Variants in CADPS2 observed in about 807,000 individuals in gnomAD.
CADPS2 encodes calcium dependent secretion activator 2.
A neutral mutation model predicts 172.5 loss-of-function variants in CADPS2; 93 were observed. The ratio of observed to expected loss-of-function variants is 0.54; its 90% CI spans 0.46 to 0.64. CADPS2 has a LOEUF of 0.64. Among genes scored for constraint, CADPS2 ranks in the 30% least tolerant of loss-of-function variants. The pLI, the probability that CADPS2 is intolerant of heterozygous loss-of-function variation, is 0.00. For missense variants in CADPS2, 1,420 were observed against 1,565.9 expected, an observed-to-expected ratio of 0.91 and a Z score of 1.57; for synonymous variants, 546 against 555.2, an observed-to-expected ratio of 0.98 and a Z score of 0.23.
chr7:122,702,088 G>C (rs7790381), intron 2 of CADPS2: 1 of 1,613,568 alleles, frequency 6.2e-7, no homozygotes, highest in South Asian at 1.1e-5. Context: ...GCCTCCTGGT[G>C]AAAGAATTGG....
At chr7:122,834,690 A>C (rs1446511628) in intron 1 of CADPS2, among the ~76,000 whole-genome samples, 1 of 152,230 alleles carries the variant, frequency 6.6e-6, no homozygotes, top group Non-Finnish European at 1.5e-5. Flanking sequence ...GCTCACTGCT[A>C]GCACAGCAGT....
chr7:122,455,373 C>A (rs1399372390), intron 14 of CADPS2, among the ~76,000 whole-genome samples: 1 of 151,928 alleles, frequency 6.6e-6, no homozygotes, highest in African/African-American at 2.4e-5. Flanking sequence ...TTCCCATTCC[C>A]ATAGACCTTT....
At chr7:122,845,375 A>G (rs1319527079) in intron 1 of CADPS2, among the ~76,000 whole-genome samples, 1 of 152,212 alleles carries the variant, frequency 6.6e-6, no homozygotes, top group Non-Finnish European at 1.5e-5. Flanking sequence ...ATGTCAGATA[A>G]AAAACAACCA....
intron 5 of CADPS2, among the ~76,000 whole-genome samples, chr7:122,621,002 G>A (rs2075544282): frequency 6.6e-6 from 1 of 152,000 alleles, no homozygotes; most frequent in Non-Finnish European, 1.5e-5. Context: ...AACCTCCTGG[G>A]CTCAAGCAAT....
chr7:122,340,643 A>G (rs2150932278), intron 28 of CADPS2, among the ~76,000 whole-genome samples: 1 of 152,282 alleles, frequency 6.6e-6, no homozygotes, highest in Non-Finnish European at 1.5e-5. Flanking sequence ...ATCTCTGCTG[A>G]CACATGGACA....
intron 8 of CADPS2, among the ~76,000 whole-genome samples, chr7:122,533,444 C>A (rs568645585): frequency 2.0e-5 from 3 of 152,056 alleles, no homozygotes; most frequent in Non-Finnish European, 4.4e-5. Flanking sequence ...TAAATGTACA[C>A]CCATGGTCTT....
chr7:122,837,421 C>G (rs1429400452), intron 1 of CADPS2, among the ~76,000 whole-genome samples: 1 of 152,142 alleles, frequency 6.6e-6, no homozygotes, highest in East Asian at 1.9e-4. Context: ...CAAGAAATAA[C>G]TAAGATCAGA....
intron 6 of CADPS2, among the ~76,000 whole-genome samples, chr7:122,587,695 G>A (rs2069977429): frequency 6.6e-6 from 1 of 152,062 alleles, no homozygotes; most frequent in Non-Finnish European, 1.5e-5. Context: ...ATGAATATAT[G>A]TGTGCATGTA....
At chr7:122,693,773 T>C (rs897996319) in intron 2 of CADPS2, among the ~76,000 whole-genome samples, 1 of 152,032 alleles carries the variant, frequency 6.6e-6, no homozygotes, top group Non-Finnish European at 1.5e-5. Flanking sequence ...CTGGGCAACA[T>C]GGCAAAACCC....
intron 9 of CADPS2, among the ~76,000 whole-genome samples, chr7:122,500,920 T>A (rs1022838756): frequency 3.3e-5 from 5 of 152,112 alleles, no homozygotes; most frequent in Non-Finnish European, 5.9e-5. Context: ...AAAAGTGGTG[T>A]TTTTGGAATT....
rs1232847499 is a variant in CADPS2 at position 122,319,660 on chromosome 7, A to C, written c.*505T>G. 6.6e-6 allele frequency: 1 copy of C among 152,452 alleles called. No homozygotes were observed. Among genetic ancestry groups the C allele is most frequent in the East Asian group, 1.9e-4 (1 of 5,200 alleles). 9.4% of individuals were successfully genotyped at this position (152,452 alleles called of 1,614,324 possible). On this transcript the variant is annotated 3_prime_UTR_variant, in exon 30 of 30. Coordinates refer to ENST00000449022, the MANE Select transcript of CADPS2 (RefSeq NM_017954.11). The stretch of plus-strand genomic sequence containing the variant: ...GATTAAAGATTTTATACACATCACA[A>C]TAATAGCAAATTAAGTACAAAACGA...
intron 9 of CADPS2, among the ~76,000 whole-genome samples, chr7:122,506,604 C>T (rs1227188457): frequency 6.6e-6 from 1 of 152,024 alleles, no homozygotes; most frequent in Non-Finnish European, 1.5e-5. Flanking sequence ...ATTCCTACTG[C>T]AGGGATGTTA....
intron 17 of CADPS2, among the ~76,000 whole-genome samples, chr7:122,428,469 ATATTT>A (rs947509596): frequency 4.0e-5 from 5 of 124,944 alleles, no homozygotes; most frequent in African/African-American, 1.1e-4. Context: ...ATATATATAT[ATATTT>A]TTTTTTTTTT....
At chr7:122,465,174 T>G (rs770736251) in intron 14 of CADPS2, among the ~76,000 whole-genome samples, 4 of 152,034 alleles carry the variant, frequency 2.6e-5, no homozygotes, top group Non-Finnish European at 1.5e-5. Context: ...GAATTGTAGA[T>G]CGAGCAAAAA....
Position 122,565,173 on chromosome 7 carries a change from C to T in CADPS2, c.1336-10484G>A, listed in dbSNP as rs371634006. ...GGTACACTAAAAGCCCAGACTTCAC[C>T]GCTATGCAGTATAACCATGTAACAC... On this transcript the variant is annotated intron_variant, in intron 7 of 29. Coordinates refer to ENST00000449022, the MANE Select transcript of CADPS2 (RefSeq NM_017954.11). 7.2e-5 allele frequency among the ~76,000 whole-genome samples: 11 copies of T among 151,734 alleles called. No individual in the cohort carries two copies. The South Asian group carries it at 1.3e-3, about 17-fold the overall frequency.
chr7:122,874,291 A>G lies in CADPS2; in HGVS notation c.339+11708T>C, dbSNP rs140646216. ...GTGAACTCCCACTCACAATTGCTAC[A>G]AAGAGAATAAAACATCTAGGAATAC... On this transcript the variant is annotated intron_variant, in intron 1 of 29. Transcript: ENST00000449022. Among the ~76,000 whole-genome samples the G allele has an allele frequency of 3.4e-3, 523 of 152,286 alleles. 1 individual carries two copies. Among genetic ancestry groups the G allele is most frequent in the Non-Finnish European group, 5.0e-3 (338 of 68,014 alleles).
intron 6 of CADPS2, among the ~76,000 whole-genome samples, chr7:122,597,155 G>C (rs2071941199): frequency 6.6e-6 from 1 of 152,036 alleles, no homozygotes; most frequent in Non-Finnish European, 1.5e-5. Context: ...TCCAACACTG[G>C]AGATTACATT....
At chr7:122,671,252 G>C (rs2081815659) in intron 2 of CADPS2, among the ~76,000 whole-genome samples, 1 of 152,188 alleles carries the variant, frequency 6.6e-6, no homozygotes, top group South Asian at 2.1e-4. Flanking sequence ...GTAGCACCTA[G>C]CACTAGGCTA....
rs1373768087 is a variant in CADPS2, at chr7:122,886,364, C to T, written c.-27G>A. ...GTGCTCGGGGATCCCCGCCGCTCGG[C>T]CCGCGGTCCCCAAGCGCCTCACCCC... is the stretch of plus-strand genomic sequence containing the variant. On this transcript the variant is annotated 5_prime_UTR_variant, in exon 1 of 30. Transcript: ENST00000449022. The T allele has an allele frequency of 6.7e-7, 1 of 1,487,872 alleles. No individual in the cohort carries two copies. The highest frequency in any genetic ancestry group is 1.5e-5 in the African/African-American group (1 of 68,452). 92.2% of individuals were successfully genotyped at this position (1,487,872 alleles called of 1,614,324 possible).
Sources: gnomAD v4.1 joint callset for allele counts (sites outside exome capture counted in the v4.1 genomes callset) on GRCh38, gnomAD v4.1.1 for gene constraint, MANE v1.5 for transcripts, NCBI Gene and HGNC (gene_info 2026-07-23, HGNC 2026-07-21) for gene names.